The following GRIK4 variants were observed in gnomAD, a reference collection of about 807,000 sequenced individuals.
The protein encoded by GRIK4 is glutamate ionotropic receptor kainate type subunit 4, also known as glutamate receptor ionotropic, kainate 4.
In GRIK4, 40 loss-of-function variants were observed where a neutral mutation model predicts 104.9. That is an observed-to-expected ratio of 0.38 (90% CI 0.30 to 0.50). The LOEUF (loss-of-function observed/expected upper bound fraction) is 0.50, where lower values mean the gene tolerates loss of function less well. GRIK4 is among the 20% of genes least tolerant of loss of function. The pLI is 0.93. For synonymous variants in GRIK4, 485 were observed against 524.9 expected (o/e 0.92, Z 1.04); for missense variants, 1,047 against 1,308.1 (o/e 0.80, Z 3.08).
intron 1 of GRIK4, among the ~76,000 whole-genome samples, chr11:120,525,674 A>C (rs1947847743): frequency 6.6e-6 from 1 of 152,190 alleles, no homozygotes; most frequent in Non-Finnish European, 1.5e-5. Context: ...GAGTGGGACA[A>C]GCTGATGGTT....
intron 16 of GRIK4, among the ~76,000 whole-genome samples, chr11:120,957,889 G>T (rs1441703270): frequency 6.6e-6 from 1 of 152,186 alleles, no homozygotes; most frequent in African/African-American, 2.4e-5. Context: ...ATGCCTTCCT[G>T]TCTGGGGTTT....
chr11:120,785,191 T>C (rs1353671683), intron 3 of GRIK4, among the ~76,000 whole-genome samples: 1 of 152,158 alleles, frequency 6.6e-6, no homozygotes, highest in Non-Finnish European at 1.5e-5. Context: ...GCCTGGCTGT[T>C]TGTGCAGTGA....
intron 12 of GRIK4, among the ~76,000 whole-genome samples, chr11:120,901,863 A>G (rs1942746137): frequency 6.6e-6 from 1 of 152,186 alleles, no homozygotes; most frequent in South Asian, 2.1e-4. Flanking sequence ...GTGCTTATTC[A>G]CATACGTGCA....
At chr11:120,576,662 T>A (rs1233791986) in intron 1 of GRIK4, 5 of 152,334 alleles carry the variant, frequency 3.3e-5, no homozygotes. Context: ...TGCTTACAGC[T>A]GTGATGGTCA....
At chr11:120,712,658 C>A (rs1437957162) in intron 3 of GRIK4, among the ~76,000 whole-genome samples, 20 of 152,006 alleles carry the variant, frequency 1.3e-4, no homozygotes, top group Admixed American at 1.3e-3. Context: ...TTAAATTCTG[C>A]CAGGGACAGG....
At chr11:120,621,500 A>G (rs1043003206) in intron 1 of GRIK4, among the ~76,000 whole-genome samples, 1 of 152,190 alleles carries the variant, frequency 6.6e-6, no homozygotes, top group African/African-American at 2.4e-5. Context: ...CACAAAGAAG[A>G]CTTCCCCAGA....
At position 120,802,207 on chromosome 11, in the gene GRIK4, C is replaced by T. The variant is rs1952633321; in HGVS notation, c.83-486C>T. On this transcript the variant is annotated intron_variant, in intron 3 of 20. Transcript: ENST00000527524. Reference sequence around the variant, plus strand: ...TGTCAGAGCCTGGGGAGCCAGCATTCAGCAGTGTCTGGCAGCTGCTCCTTG... The same window carrying T: ...TGTCAGAGCCTGGGGAGCCAGCATTTAGCAGTGTCTGGCAGCTGCTCCTTG... Among the ~76,000 whole-genome samples the T allele has an allele frequency of 2.0e-5, 3 of 152,204 alleles. No individual in the cohort carries two copies. The South Asian group carries it at 6.2e-4, about 32-fold the overall frequency.
intron 19 of GRIK4, among the ~76,000 whole-genome samples, chr11:120,978,247 T>C (rs1217772150): frequency 6.6e-6 from 1 of 152,182 alleles, no homozygotes; most frequent in East Asian, 1.9e-4. Context: ...TATAAACTAG[T>C]GTATTATTTT....
At chr11:120,849,747 G>C (rs1953933395) in intron 8 of GRIK4, among the ~76,000 whole-genome samples, 1 of 152,200 alleles carries the variant, frequency 6.6e-6, no homozygotes, top group Non-Finnish European at 1.5e-5. Flanking sequence ...TCTTGTACTT[G>C]TCAAACTGAT....
chr11:120,934,346 C>A (rs543141096), intron 13 of GRIK4, among the ~76,000 whole-genome samples: 4 of 151,944 alleles, frequency 2.6e-5, no homozygotes, highest in African/African-American at 9.7e-5. Context: ...TTGCTGTCTT[C>A]GGATGCTCCC....
intron 1 of GRIK4, among the ~76,000 whole-genome samples, chr11:120,622,115 G>C (rs1352286969): frequency 6.6e-6 from 1 of 152,074 alleles, no homozygotes; most frequent in Admixed American, 6.5e-5. Context: ...TGGCCAGGCT[G>C]ATCTCAAACT....
chr11:120,937,700 C>T (rs1350137550), intron 13 of GRIK4, among the ~76,000 whole-genome samples: 1 of 152,170 alleles, frequency 6.6e-6, no homozygotes, highest in Admixed American at 6.5e-5. Context: ...TCTGTCCAGA[C>T]GTGAGGCACA....
chr11:120,525,926 G>A (rs2253485), intron 1 of GRIK4, among the ~76,000 whole-genome samples: 151,798 of 152,286 alleles, frequency 1, 75,675 homozygotes, highest in Middle Eastern at 1. Context: ...TGGGGACAAT[G>A]AAAAACCTAA....
intron 9 of GRIK4, among the ~76,000 whole-genome samples, chr11:120,863,188 T>C (rs941314711): frequency 2.0e-5 from 3 of 152,260 alleles, no homozygotes; most frequent in African/African-American, 7.2e-5. Flanking sequence ...AATGACATTT[T>C]GGTCAGCGAT....
chr11:120,970,299 G>A (rs973659436), intron 19 of GRIK4, among the ~76,000 whole-genome samples: 1 of 152,158 alleles, frequency 6.6e-6, no homozygotes. Flanking sequence ...ACACAGGAGT[G>A]GCCAGGGGCA....
intron 3 of GRIK4, among the ~76,000 whole-genome samples, chr11:120,788,352 G>A (rs151225783): frequency 4.6e-5 from 7 of 152,298 alleles, no homozygotes; most frequent in Non-Finnish European, 7.3e-5. Flanking sequence ...TCAGCAGCAC[G>A]TGATCTCTAT....
chr11:120,614,997 T>TCAAAA (rs943824105), intron 1 of GRIK4, among the ~76,000 whole-genome samples: 2 of 151,960 alleles, frequency 1.3e-5, no homozygotes, highest in Non-Finnish European at 2.9e-5. Flanking sequence ...AGACTCAATC[T>TCAAAA]CAAAACAAAA....
intron 1 of GRIK4, among the ~76,000 whole-genome samples, chr11:120,551,388 A>T (rs1241169042): frequency 6.6e-6 from 1 of 152,148 alleles, no homozygotes; most frequent in East Asian, 1.9e-4. Context: ...CCGCCCTCAT[A>T]CCCAGGAGGA....
intron 8 of GRIK4, among the ~76,000 whole-genome samples, chr11:120,839,700 A>T (rs1229778274): frequency 6.6e-6 from 1 of 152,204 alleles, no homozygotes; most frequent in Admixed American, 6.5e-5. Flanking sequence ...TGAACTGACC[A>T]TTGTAGGGTT....
Sources: allele counts gnomAD v4.1 joint callset (sites outside exome capture counted in the v4.1 genomes callset), GRCh38; gene constraint gnomAD v4.1.1; transcripts MANE v1.5; gene names NCBI Gene and HGNC (gene_info 2026-07-23, HGNC 2026-07-21).